Variants in CAMK1D observed in about 807,000 individuals in gnomAD.
CAMK1D encodes the protein calcium/calmodulin-dependent protein kinase type 1D.
CAMK1D carries 9 observed loss-of-function variants against 47.7 expected under a neutral mutation model. The ratio of observed to expected loss-of-function variants is 0.19; its 90% CI spans 0.11 to 0.33. The LOEUF is 0.33. CAMK1D is among the 10% of genes least tolerant of loss of function. The pLI is 1.00. For missense variants in CAMK1D, 291 were observed against 488.7 expected, an observed-to-expected ratio of 0.60 and a Z score of 3.81; for synonymous variants, 184 against 184.9, an observed-to-expected ratio of 0.99 and a Z score of 0.04.
intron 1 of CAMK1D, among the ~76,000 whole-genome samples, chr10:12,551,544 C>T (rs1424671978): frequency 1.3e-5 from 2 of 152,174 alleles, no homozygotes; most frequent in Non-Finnish European, 2.9e-5. Flanking sequence ...CACTTGAGGT[C>T]AGGACTTCGA....
intron 3 of CAMK1D, among the ~76,000 whole-genome samples, chr10:12,728,147 G>A (rs1258647585): frequency 2.6e-5 from 4 of 152,220 alleles, no homozygotes; most frequent in Non-Finnish European, 4.4e-5. Flanking sequence ...ATAGCACTGA[G>A]TTGCAATTCC....
At chr10:12,627,078 ATTTT>A (rs71386106) in intron 2 of CAMK1D, among the ~76,000 whole-genome samples, 4 of 104,410 alleles carry the variant, frequency 3.8e-5, no homozygotes, top group Non-Finnish European at 6.0e-5. Flanking sequence ...ATGGGCTATA[ATTTT>A]TTTTTTTTTT....
intron 1 of CAMK1D, among the ~76,000 whole-genome samples, chr10:12,544,353 CCA>C (rs1308831664): frequency 6.6e-6 from 1 of 152,000 alleles, no homozygotes; most frequent in African/African-American, 2.4e-5. Flanking sequence ...TTTATTTCTC[CCA>C]CAGTTATGCA....
intron 2 of CAMK1D, among the ~76,000 whole-genome samples, chr10:12,662,325 G>T (rs1244995186): frequency 6.6e-6 from 1 of 152,202 alleles, no homozygotes; most frequent in Non-Finnish European, 1.5e-5. Context: ...TAAAGGTGAA[G>T]ACATTAAGCT....
chr10:12,380,712 C>G (rs1000704796), intron 1 of CAMK1D, among the ~76,000 whole-genome samples: 3 of 152,094 alleles, frequency 2.0e-5, no homozygotes, highest in Admixed American at 2.0e-4. Context: ...AAAAATTAGC[C>G]AGGCATGGGG....
At chr10:12,581,244 T>C (rs1201955424) in intron 2 of CAMK1D, among the ~76,000 whole-genome samples, 1 of 152,248 alleles carries the variant, frequency 6.6e-6, no homozygotes, top group African/African-American at 2.4e-5. Context: ...CTGAGTAGTA[T>C]TCCATGGTAT....
At chr10:12,617,593 T>C (rs1271065996) in intron 2 of CAMK1D, among the ~76,000 whole-genome samples, 1 of 152,198 alleles carries the variant, frequency 6.6e-6, no homozygotes, top group Non-Finnish European at 1.5e-5. Context: ...AGGAGAGAAG[T>C]AATTTTCTGT....
At chr10:12,815,273 G>A (rs949835286) in intron 7 of CAMK1D, among the ~76,000 whole-genome samples, 10 of 152,178 alleles carry the variant, frequency 6.6e-5, no homozygotes, top group Non-Finnish European at 1.3e-4. Context: ...CAGTTTTCTC[G>A]CTGGTAAGAT....
At chr10:12,754,634 C>T (rs1836148722) in intron 3 of CAMK1D, among the ~76,000 whole-genome samples, 1 of 152,190 alleles carries the variant, frequency 6.6e-6, no homozygotes, top group Admixed American at 6.5e-5. Context: ...CATTTATTTT[C>T]TCACAGTTCT....
intron 3 of CAMK1D, among the ~76,000 whole-genome samples, chr10:12,693,815 GGA>G (rs1833031743): frequency 6.9e-6 from 1 of 144,246 alleles, no homozygotes; most frequent in Non-Finnish European, 1.5e-5. Flanking sequence ...CTCAGGAATT[GGA>G]GGCTACGGTG....
intron 2 of CAMK1D, among the ~76,000 whole-genome samples, chr10:12,568,825 G>T (rs1837225661): frequency 6.6e-6 from 1 of 152,108 alleles, no homozygotes; most frequent in Admixed American, 6.5e-5. Context: ...GTTTCCTTAT[G>T]CAGATGTGCG....
intron 1 of CAMK1D, among the ~76,000 whole-genome samples, chr10:12,492,140 C>A (rs975292930): frequency 1.3e-5 from 2 of 151,910 alleles, no homozygotes; most frequent in African/African-American, 4.8e-5. Flanking sequence ...CACAGGGTCT[C>A]TTTGAGAGGA....
intron 1 of CAMK1D, among the ~76,000 whole-genome samples, chr10:12,361,851 T>G (rs970255445): frequency 6.6e-6 from 1 of 152,096 alleles, no homozygotes; most frequent in Non-Finnish European, 1.5e-5. Context: ...CCACCGCTCC[T>G]GGCCTATTTG....
chr10:12,633,568 A>G (rs1441290295), intron 2 of CAMK1D, among the ~76,000 whole-genome samples: 1 of 151,982 alleles, frequency 6.6e-6, no homozygotes, highest in Non-Finnish European at 1.5e-5. Context: ...TCTTTTCTTA[A>G]TTTTTTGAGG....
intron 1 of CAMK1D, among the ~76,000 whole-genome samples, chr10:12,536,897 T>C (rs1460985434): frequency 6.6e-6 from 1 of 152,216 alleles, no homozygotes; most frequent in East Asian, 1.9e-4. Context: ...CTATCTAAGC[T>C]TACTTTCCTC....
intron 1 of CAMK1D, among the ~76,000 whole-genome samples, chr10:12,527,034 AT>A (rs945483288): frequency 6.6e-6 from 1 of 152,114 alleles, no homozygotes; most frequent in Non-Finnish European, 1.5e-5. Context: ...AAAATAAAAA[AT>A]AAATCAAATC....
intron 1 of CAMK1D, among the ~76,000 whole-genome samples, chr10:12,518,797 G>A (rs1835291581): frequency 9.4e-6 from 1 of 106,826 alleles, no homozygotes; most frequent in South Asian, 4.2e-4. Flanking sequence ...AGAGCACAGG[G>A]TTGGGGTTAA....
chr10:12,386,903 C>T (rs117821366), intron 1 of CAMK1D, among the ~76,000 whole-genome samples: 1,597 of 152,084 alleles, frequency 0.011, 10 homozygotes, highest in Non-Finnish European at 0.015. Context: ...TGTAGAACTA[C>T]GAAGATAACT....
intron 1 of CAMK1D, among the ~76,000 whole-genome samples, chr10:12,408,305 G>A (rs956536276): frequency 2.0e-5 from 3 of 152,038 alleles, no homozygotes; most frequent in Non-Finnish European, 2.9e-5. Context: ...GGGACTACAG[G>A]CGCCCGCTAC....
Sources: gnomAD v4.1 joint callset for allele counts (sites outside exome capture counted in the v4.1 genomes callset) on GRCh38, gnomAD v4.1.1 for gene constraint, MANE v1.5 for transcripts, NCBI Gene and HGNC (gene_info 2026-07-23, HGNC 2026-07-21) for gene names.